The following TEX2 variants were observed in gnomAD, a reference collection of about 807,000 sequenced individuals.
The protein encoded by TEX2 is testis expressed 2.
Under a neutral mutation model 106.9 loss-of-function variants are expected in TEX2, and 53 were observed. The ratio of observed to expected loss-of-function variants is 0.50; its 90% confidence interval spans 0.40 to 0.62. The LOEUF is 0.62. Ranked by LOEUF, TEX2 falls within the 20% of genes least tolerant of loss-of-function variation. The pLI, the probability that TEX2 is intolerant of heterozygous loss-of-function variation, is 0.00. For synonymous variants in TEX2, 523 were observed against 534.8 expected, an observed-to-expected ratio of 0.98 and a Z score of 0.30; for missense variants, 1,207 against 1,379.0, an observed-to-expected ratio of 0.88 and a Z score of 1.98.
intron 8 of TEX2, among the ~76,000 whole-genome samples, chr17:64,160,390 T>TTA (rs1240459589): frequency 6.6e-6 from 1 of 152,232 alleles, no homozygotes; most frequent in Non-Finnish European, 1.5e-5. Context: ...AATCATCTAA[T>TTA]TATAAATAAT....
At position 64,212,897 on chromosome 17, in the gene TEX2, C is replaced by G; in HGVS notation, c.1321G>C (p.Asp441His). The change falls in exon 2 of 12, where the codon GAT (aspartate) becomes CAT (histidine). Residue 441 changes from aspartate (D) to histidine (H), a missense_variant. Coordinates refer to ENST00000584379, the MANE Select transcript of TEX2 (RefSeq NM_001288732.2). Reference protein sequence around the residue: ...EGESKVDKLSDIPLKPEVLAE... With the variant: ...EGESKVDKLSHIPLKPEVLAE... ...AGCACCTCTGGCTTGAGAGGAATATCTGAGAGCTTATCAACTTTACTCTCC... is the reference window on the plus strand; with the variant it reads ...AGCACCTCTGGCTTGAGAGGAATATGTGAGAGCTTATCAACTTTACTCTCC... The G allele has an allele frequency of 1.2e-6, 2 of 1,614,226 alleles. No individual in the cohort carries two copies. Among genetic ancestry groups the G allele is most frequent in the Non-Finnish European group, 1.7e-6 (2 of 1,180,046 alleles).
intron 8 of TEX2, among the ~76,000 whole-genome samples, chr17:64,159,749 G>C (rs2030798974): frequency 6.6e-6 from 1 of 152,118 alleles, no homozygotes; most frequent in South Asian, 2.1e-4. Context: ...TTAACAAATA[G>C]AAAAATGAAA....
chr17:64,199,142 A>G (rs1555629757), intron 2 of TEX2, among the ~76,000 whole-genome samples: 1 of 152,240 alleles, frequency 6.6e-6, no homozygotes. Flanking sequence ...TCTTTCCTAA[A>G]TCAGAAAATG....
Position 64,150,895 on chromosome 17 carries a change from C to A in TEX2, c.3207G>T (p.Val1069=). 6.2e-7 allele frequency: 1 copy of A among 1,613,944 alleles called. No homozygotes were observed. Among genetic ancestry groups the A allele is most frequent in the South Asian group, 1.1e-5 (1 of 91,004 alleles). The change falls in exon 11 of 12, where the codon GTG becomes GTT. Residue 1069 remains valine (V), a synonymous_variant. Coordinates refer to ENST00000584379, the MANE Select transcript of TEX2 (RefSeq NM_001288732.2). ...TCCAGTCTGTCACATGAACTAAAGT[C>A]ACTTCTCTCTCTCCAAGTTTTGGCC... is the stretch of plus-strand genomic sequence containing the variant. The part of the protein sequence containing the change: ...KARPKLGERE[V]TLVHVTDWIE...
At chr17:64,230,463 T>C (rs782523983) in intron 1 of TEX2, 17 of 152,452 alleles carry the variant, frequency 1.1e-4, no homozygotes, top group Non-Finnish European at 1.9e-4. Context: ...GGAGAACCAC[T>C]TGCCTATAGG....
chr17:64,182,585 A>G (rs775559596), intron 5 of TEX2, among the ~76,000 whole-genome samples: 19 of 152,112 alleles, frequency 1.2e-4, no homozygotes, highest in Admixed American at 9.2e-4. Context: ...CACTCCCCAA[A>G]TAAACCCTGT....
intron 8 of TEX2, among the ~76,000 whole-genome samples, chr17:64,158,343 AGT>A (rs951976641): frequency 1.3e-5 from 2 of 152,226 alleles, no homozygotes; most frequent in African/African-American, 4.8e-5. Context: ...TGAGAAAAGC[AGT>A]GAGATGAAGC....
chr17:64,240,914 T>C (rs1036741497), intron 1 of TEX2, among the ~76,000 whole-genome samples: 2 of 152,154 alleles, frequency 1.3e-5, no homozygotes, highest in Non-Finnish European at 2.9e-5. Context: ...GCAGGTCACA[T>C]GTGAAAAAAT....
At chr17:64,165,626 T>C (rs900392532) in intron 7 of TEX2, among the ~76,000 whole-genome samples, 1 of 152,208 alleles carries the variant, frequency 6.6e-6, no homozygotes, top group African/African-American at 2.4e-5. Flanking sequence ...GGGCAAGTCA[T>C]GACTGACTCT....
chr17:64,181,003 C>T (rs2031831226), intron 5 of TEX2, among the ~76,000 whole-genome samples: 1 of 152,160 alleles, frequency 6.6e-6, no homozygotes. Context: ...CAGCGGAGGA[C>T]CCTACTCCTG....
intron 6 of TEX2, among the ~76,000 whole-genome samples, chr17:64,171,963 G>C (rs1301472987): frequency 2.1e-5 from 3 of 143,782 alleles, no homozygotes; most frequent in African/African-American, 7.9e-5. Flanking sequence ...CTGGAGGACA[G>C]AGCGAGACTC....
intron 7 of TEX2, 50 bp from the exon 8 acceptor site, chr17:64,160,983 A>G (rs1250097488): frequency 6.4e-7 from 1 of 1,572,878 alleles, no homozygotes; most frequent in Non-Finnish European, 8.7e-7. Flanking sequence ...AAAAAAACAC[A>G]TGACTATAAA....
chr17:64,218,806 C>T (rs782557875), intron 1 of TEX2, among the ~76,000 whole-genome samples: 11 of 152,136 alleles, frequency 7.2e-5, no homozygotes, highest in Admixed American at 3.9e-4. Context: ...CTCAAGGAGC[C>T]GGGACCCCAA....
intron 6 of TEX2, 132 bp from the exon 7 acceptor site, chr17:64,171,331 A>T: frequency 1.4e-6 from 1 of 700,560 alleles, no homozygotes; most frequent in Non-Finnish European, 2.5e-6. Flanking sequence ...ACGAAAACGT[A>T]ATGTGCACAC....
chr17:64,235,350 A>G (rs1490393985), intron 1 of TEX2, among the ~76,000 whole-genome samples: 1 of 152,230 alleles, frequency 6.6e-6, no homozygotes, highest in African/African-American at 2.4e-5. Context: ...TGACAAACCA[A>G]TCTGGAGCCA....
intron 1 of TEX2, among the ~76,000 whole-genome samples, chr17:64,262,553 C>T (rs2034309222): frequency 6.6e-6 from 1 of 152,184 alleles, no homozygotes; most frequent in Non-Finnish European, 1.5e-5. Flanking sequence ...CGTCCACGGC[C>T]ACACCGCCTC....
At chr17:64,238,501 A>G (rs2033818221) in intron 1 of TEX2, among the ~76,000 whole-genome samples, 1 of 152,232 alleles carries the variant, frequency 6.6e-6, no homozygotes, top group Admixed American at 6.5e-5. Context: ...AGACTTGGTA[A>G]TTTATAAAGA....
Position 64,217,586 on chromosome 17 carries a change from C to A in TEX2, c.-25-3344G>T, listed in dbSNP as rs1187278170. Among the ~76,000 whole-genome samples the A allele has an allele frequency of 2.6e-5, 4 of 152,160 alleles. No homozygotes were observed. Among genetic ancestry groups the A allele is most frequent in the African/African-American group, 9.7e-5 (4 of 41,424 alleles). On this transcript the variant is annotated intron_variant, in intron 1 of 11. Coordinates refer to ENST00000584379, the MANE Select transcript of TEX2 (RefSeq NM_001288732.2). The surrounding 1 kb of genome is among the most constrained non-coding windows in gnomAD (Gnocchi z 4.3). ...TCTCAACCAGCAGCATGTGACTGGCCGCACTGAGAAATGAAAGGTCTCATT... is the reference window on the plus strand; with the variant it reads ...TCTCAACCAGCAGCATGTGACTGGCAGCACTGAGAAATGAAAGGTCTCATT...
chr17:64,185,194 A>G lies in TEX2; in HGVS notation c.2424+2974T>C, dbSNP rs1298307814. Among the ~76,000 whole-genome samples, 1 of 152,198 alleles carries G rather than the reference A, an allele frequency of 6.6e-6. No individual in the cohort carries two copies. Among genetic ancestry groups the G allele is most frequent in the Non-Finnish European group, 1.5e-5 (1 of 68,024 alleles). On this transcript the variant is annotated intron_variant, in intron 5 of 11. Transcript: ENST00000584379. This position sits in a 1 kb window ranked among gnomAD's most constrained non-coding sequence, Gnocchi z 4.0. ...AGGACTCTCCATACCGGGGTGGCAT[A>G]TGTTAATATTATCTCTAACATTTTT...
Sources: gnomAD v4.1 joint callset for allele counts (sites outside exome capture counted in the v4.1 genomes callset) on GRCh38, gnomAD v4.1.1 for gene constraint, Gnocchi (gnomAD v3.1) non-coding constraint, MANE v1.5 for transcripts, NCBI Gene and HGNC (gene_info 2026-07-23, HGNC 2026-07-21) for gene names.